NHS: variants seen among roughly 807,000 people sequenced by gnomAD.
NHS encodes the protein actin remodeling regulator NHS.
A neutral mutation model predicts 72.5 loss-of-function variants in NHS; 5 were observed. The ratio of observed to expected loss-of-function variants is 0.07; its 90% CI spans 0.04 to 0.14. The LOEUF (loss-of-function observed/expected upper bound fraction) is 0.14, where lower values mean the gene tolerates loss of function less well. Ranked by LOEUF, NHS falls within the 10% of genes least tolerant of loss-of-function variation. The pLI is 1.00. For missense variants in NHS, 1,072 were observed against 1,355.7 expected (o/e 0.79, Z 3.29); for synonymous variants, 464 against 547.7 (o/e 0.85, Z 2.13).
At chrX:17,435,265 A>C (rs2064716191) in intron 1 of NHS, among the ~76,000 whole-genome samples, 1 of 111,828 alleles carries the variant, frequency 8.9e-6, no homozygotes, top group Non-Finnish European at 1.9e-5. Flanking sequence ...AGTCATTAGA[A>C]TGGCAGGCTC....
At position 17,464,248 on chromosome X, in the gene NHS, T is replaced by C. The variant is rs970462858; in HGVS notation, c.565+87926T>C. ...CTGAGGCCTTCATTTTGGGGTATTG[T>C]TTTTTGAGTCCCACCAGTTTCCTGT... is the stretch of plus-strand genomic sequence containing the variant. On this transcript the variant is annotated intron_variant, in intron 1 of 8. Coordinates refer to ENST00000676302, the MANE Select transcript of NHS (RefSeq NM_001291867.2). Among the ~76,000 whole-genome samples, 7 of 111,161 alleles carry C rather than the reference T, an allele frequency of 6.3e-5. No individual in the cohort carries two copies. The Admixed American group carries it at 6.7e-4, about 11-fold the overall frequency.
intron 1 of NHS, among the ~76,000 whole-genome samples, chrX:17,512,938 A>G (rs1247812699): frequency 1.8e-5 from 2 of 111,867 alleles, no homozygotes; most frequent in Non-Finnish European, 3.8e-5. Flanking sequence ...GGATATAAGA[A>G]GTGACAACTT....
At chrX:17,523,566 G>C (rs1413792478) in intron 1 of NHS, among the ~76,000 whole-genome samples, 2 of 112,081 alleles carry the variant, frequency 1.8e-5, no homozygotes, top group East Asian at 5.6e-4. Flanking sequence ...CAGAGGCAGA[G>C]CCAGTAGTGG....
intron 1 of NHS, among the ~76,000 whole-genome samples, chrX:17,614,248 C>A (rs1420499126): frequency 8.9e-6 from 1 of 112,518 alleles, no homozygotes; most frequent in Non-Finnish European, 1.9e-5. Flanking sequence ...GACTTTGAAG[C>A]TCCTCACATG....
chrX:17,567,111 G>A (rs756225418), intron 1 of NHS, among the ~76,000 whole-genome samples: 25 of 112,264 alleles, frequency 2.2e-4, no homozygotes, highest in Admixed American at 1.0e-3. Flanking sequence ...GGCCTCTAGG[G>A]TGAAGCTCAT....
intron 1 of NHS, among the ~76,000 whole-genome samples, chrX:17,541,620 T>G (rs1738673633): frequency 8.9e-6 from 1 of 111,969 alleles, no homozygotes; most frequent in South Asian, 3.8e-4. Flanking sequence ...ATGTAGTTAC[T>G]CTGTCCAGAC....
At chrX:17,413,355 A>T (rs1032141393) in intron 1 of NHS, among the ~76,000 whole-genome samples, 4 of 112,255 alleles carry the variant, frequency 3.6e-5, no homozygotes, top group African/African-American at 9.7e-5. Context: ...CATCATGATC[A>T]TATGGGTTGC....
chrX:17,708,518 A>C (rs949130342), intron 3 of NHS, among the ~76,000 whole-genome samples: 6 of 112,330 alleles, frequency 5.3e-5, no homozygotes, highest in Non-Finnish European at 1.1e-4. Context: ...CACGAATGAG[A>C]CATAATCTGT....
chrX:17,474,898 A>C (rs1392197363), intron 1 of NHS, among the ~76,000 whole-genome samples: 1 of 111,343 alleles, frequency 9.0e-6, no homozygotes, highest in East Asian at 2.8e-4. Flanking sequence ...CCAGACCCAG[A>C]CAGGCAAAGC....
chrX:17,526,381 T>C (rs374719933), intron 1 of NHS, among the ~76,000 whole-genome samples: 203 of 112,349 alleles, frequency 1.8e-3, no homozygotes, highest in African/African-American at 6.2e-3. Context: ...TGTCCTCTTA[T>C]CGTCTAGCAG....
intron 1 of NHS, among the ~76,000 whole-genome samples, chrX:17,665,165 T>C (rs2066003933): frequency 9.1e-6 from 1 of 109,296 alleles, no homozygotes. Flanking sequence ...GTAGATTCCA[T>C]AGGGTTTTTA....
chrX:17,539,863 G>A (rs952168606), intron 1 of NHS, among the ~76,000 whole-genome samples: 1 of 112,111 alleles, frequency 8.9e-6, no homozygotes, highest in African/African-American at 3.2e-5. Context: ...AGAAGAGCAG[G>A]TGTGAGGTTT....
chrX:17,510,876 G>A lies in NHS; in HGVS notation c.565+134554G>A, dbSNP rs761776063. On this transcript the variant is annotated intron_variant, in intron 1 of 8. Coordinates refer to ENST00000676302, the MANE Select transcript of NHS (RefSeq NM_001291867.2). ...TTCTCCATCATTCAGTTTCATAGAT[G>A]AGGGCTTTATTCATTTGACCAGCCT... Among the ~76,000 whole-genome samples the A allele has an allele frequency of 7.1e-5, 8 of 112,336 alleles. No individual in the cohort carries two copies. The East Asian group carries it at 2.2e-3, about 31-fold the overall frequency.
At chrX:17,468,781 C>G (rs1446395150) in intron 1 of NHS, among the ~76,000 whole-genome samples, 1 of 111,475 alleles carries the variant, frequency 9.0e-6, no homozygotes, top group Non-Finnish European at 1.9e-5. Flanking sequence ...CCTCAAACTT[C>G]TGGACTCAAG....
intron 1 of NHS, among the ~76,000 whole-genome samples, chrX:17,463,557 T>A (rs762594286): frequency 6.3e-5 from 7 of 111,644 alleles, no homozygotes; most frequent in Admixed American, 4.7e-4. Flanking sequence ...TTATTGAAAC[T>A]GATATTCCAG....
chrX:17,688,027 C>A lies in NHS; in HGVS notation c.718+133C>A, dbSNP rs148985095. 223 of 717,155 alleles carry A rather than the reference C, an allele frequency of 3.1e-4. No homozygotes were observed. The African/African-American group carries it at 4.1e-3, about 13-fold the overall frequency. 59.1% of individuals were successfully genotyped at this position (717,155 alleles called of 1,213,427 possible). A position where few individuals can be genotyped will look rare whatever the true frequency, so the allele number is the denominator to read the frequency against. On this transcript the variant is annotated intron_variant, in intron 2 of 8. Coordinates refer to ENST00000676302, the MANE Select transcript of NHS (RefSeq NM_001291867.2). ...TACTTTGAAATGCTCCCGTTTCTAC[C>A]CTGAAATGAAATCCATGGGTAATAT...
chrX:17,692,314 A>C (rs1349302851), intron 2 of NHS, 21 bp from the exon 3 acceptor site: 1 of 1,208,801 alleles, frequency 8.3e-7, no homozygotes. Flanking sequence ...TTTCAGTATT[A>C]CTGCTTTTTC....
chrX:17,503,380 G>A (rs1198283426), intron 1 of NHS, among the ~76,000 whole-genome samples: 1 of 112,097 alleles, frequency 8.9e-6, no homozygotes, highest in Non-Finnish European at 1.9e-5. Flanking sequence ...ACTTTATTTT[G>A]CTTAAAGAAA....
intron 1 of NHS, among the ~76,000 whole-genome samples, chrX:17,432,028 A>G (rs1668850888): frequency 8.9e-6 from 1 of 112,293 alleles, no homozygotes; most frequent in Non-Finnish European, 1.9e-5. Flanking sequence ...TGAACTTGAA[A>G]TGCCTTGCTC....
Sources: gnomAD v4.1 joint callset for allele counts (sites outside exome capture counted in the v4.1 genomes callset) on GRCh38, gnomAD v4.1.1 for gene constraint, MANE v1.5 for transcripts, NCBI Gene and HGNC (gene_info 2026-07-23, HGNC 2026-07-21) for gene names.